LIN28B: variants seen among roughly 807,000 people sequenced by gnomAD.
The protein encoded by LIN28B is lin-28 RNA binding posttranscriptional regulator B.
In LIN28B, 5 loss-of-function variants were observed where a neutral mutation model predicts 21.9. The observed-to-expected ratio is 0.23, with a 90% CI of 0.12 to 0.48. The LOEUF (loss-of-function observed/expected upper bound fraction) is 0.48, where lower values mean the gene tolerates loss of function less well. LIN28B is among the 20% of genes least tolerant of loss of function. The pLI is 0.98. For missense variants in LIN28B, 245 were observed against 310.5 expected (o/e 0.79, Z 1.58); for synonymous variants, 109 against 111.3 (o/e 0.98, Z 0.13).
At chr6:104,953,142 G>T (rs963982145), upstream of LIN28B, among the ~76,000 whole-genome samples, 3 of 152,192 alleles carry the variant, frequency 2.0e-5, no homozygotes, top group Admixed American at 6.5e-5. Context: ...GAGAGATCTT[G>T]CCAGGGGCAG....
rs534441466 is a variant in LIN28B, at chr6:105,008,410, C to T, written c.199-17888C>T. 5.4e-3 allele frequency among the ~76,000 whole-genome samples: 821 copies of T among 151,974 alleles called. 4 individuals are homozygous for T. The highest frequency in any genetic ancestry group is 7.7e-3 in the Non-Finnish European group (520 of 67,972). Reference sequence around the variant, plus strand: ...CTGTAATCCCAGCACTTTGGGAGGCCGAGGCGGGCGGATCACGAGGTCAGG... The same window carrying T: ...CTGTAATCCCAGCACTTTGGGAGGCTGAGGCGGGCGGATCACGAGGTCAGG... On this transcript the variant is annotated intron_variant, in intron 2 of 3. Coordinates refer to ENST00000345080, the MANE Select transcript of LIN28B (RefSeq NM_001004317.4).
At chr6:105,029,665 T>C (rs1227193234) in intron 3 of LIN28B, among the ~76,000 whole-genome samples, 1 of 152,142 alleles carries the variant, frequency 6.6e-6, no homozygotes, top group East Asian at 1.9e-4. Flanking sequence ...TTTCAGGCTG[T>C]GCCAAAGACC....
At chr6:104,993,057 A>T (rs1770527655) in intron 2 of LIN28B, among the ~76,000 whole-genome samples, 1 of 151,960 alleles carries the variant, frequency 6.6e-6, no homozygotes, top group South Asian at 2.1e-4. Context: ...TTTCAGAATT[A>T]TTTTCTTACT....
intron 2 of LIN28B, among the ~76,000 whole-genome samples, chr6:104,973,207 G>A (rs1380303536): frequency 4.0e-5 from 6 of 151,844 alleles, no homozygotes; most frequent in African/African-American, 1.5e-4. Flanking sequence ...TTTTAAAAAT[G>A]TCTGGTCACT....
chr6:105,030,922 CT>C (rs1771410113), intron 3 of LIN28B, among the ~76,000 whole-genome samples: 2 of 151,984 alleles, frequency 1.3e-5, no homozygotes, highest in Admixed American at 6.6e-5. Flanking sequence ...TGTTTTTCCC[CT>C]AATACTTCCT....
At chr6:105,034,412 T>A (rs1233520432) in intron 3 of LIN28B, among the ~76,000 whole-genome samples, 1 of 152,008 alleles carries the variant, frequency 6.6e-6, no homozygotes, top group African/African-American at 2.4e-5. Flanking sequence ...CTACATGAGT[T>A]AAAGTGGTAA....
chr6:104,970,226 T>G (rs1482753121), intron 2 of LIN28B, among the ~76,000 whole-genome samples: 11 of 152,216 alleles, frequency 7.2e-5, no homozygotes, highest in African/African-American at 2.7e-4. Context: ...TTCGCATTTT[T>G]GATGTTTTCA....
At chr6:105,026,059 G>T (rs1017126737) in intron 2 of LIN28B, among the ~76,000 whole-genome samples, 1 of 152,158 alleles carries the variant, frequency 6.6e-6, no homozygotes, top group South Asian at 2.1e-4. Context: ...CTGGGACAAA[G>T]AATATGCACA....
chr6:104,938,407 G>A (rs1158423991), intron 2 of LIN28B, among the ~76,000 whole-genome samples: 1 of 152,134 alleles, frequency 6.6e-6, no homozygotes, highest in African/African-American at 2.4e-5. Context: ...TGAAGGGCCA[G>A]GTGGGCAGAC....
At chr6:104,938,703 C>T (rs189339244) in intron 2 of LIN28B, among the ~76,000 whole-genome samples, 1 of 151,972 alleles carries the variant, frequency 6.6e-6, no homozygotes, top group African/African-American at 2.4e-5. Context: ...ATGATAAATT[C>T]CTTTGTTCTT....
chr6:105,014,777 A>C (rs1770996071), intron 2 of LIN28B, among the ~76,000 whole-genome samples: 2 of 152,088 alleles, frequency 1.3e-5, no homozygotes, highest in Admixed American at 6.6e-5. Context: ...TAAATAAATA[A>C]ATAAATAAAG....
chr6:105,063,505 G>T (rs528172678), intron 3 of LIN28B, among the ~76,000 whole-genome samples: 7 of 151,836 alleles, frequency 4.6e-5, no homozygotes, highest in Non-Finnish European at 1.5e-5. Context: ...GCATGGTGGC[G>T]CATGCCTGTA....
At chr6:105,053,043 C>T (rs1771939867) in intron 3 of LIN28B, among the ~76,000 whole-genome samples, 1 of 152,106 alleles carries the variant, frequency 6.6e-6, no homozygotes, top group Admixed American at 6.5e-5. Flanking sequence ...GCTTTAGCTG[C>T]ATTTCACAAA....
chr6:105,036,247 G>A (rs987489590), intron 3 of LIN28B, among the ~76,000 whole-genome samples: 1 of 152,056 alleles, frequency 6.6e-6, no homozygotes, highest in African/African-American at 2.4e-5. Context: ...CTGTGAATTT[G>A]CATCTTGTAC....
intron 3 of LIN28B, among the ~76,000 whole-genome samples, chr6:105,063,926 A>G (rs981448979): frequency 2.7e-5 from 4 of 149,442 alleles, no homozygotes; most frequent in Non-Finnish European, 3.0e-5. Context: ...TAATTATTTT[A>G]TCTTTTAGTG....
chr6:105,031,570 A>G lies in LIN28B; in HGVS notation c.383+5088A>G, dbSNP rs188409666. Among the ~76,000 whole-genome samples the G allele has an allele frequency of 3.1e-3, 462 of 149,700 alleles. 6 individuals carry two copies. The highest frequency in any genetic ancestry group is 0.011 in the African/African-American group (441 of 40,692). ...TTTTTTTGAAATGGAGTCTGGCTCC[A>G]TCGCCCAGGCTGGAGTGCAGTGGCG... is the stretch of plus-strand genomic sequence containing the variant. On this transcript the variant is annotated intron_variant, in intron 3 of 3. Coordinates refer to ENST00000345080, the MANE Select transcript of LIN28B (RefSeq NM_001004317.4).
At chr6:105,063,975 T>C (rs964918817) in intron 3 of LIN28B, among the ~76,000 whole-genome samples, 2 of 151,446 alleles carry the variant, frequency 1.3e-5, no homozygotes, top group African/African-American at 4.8e-5. Context: ...AAGATCAAAA[T>C]GTTTCAAGAT....
intron 2 of LIN28B, among the ~76,000 whole-genome samples, chr6:104,992,681 A>T (rs547990825): frequency 6.6e-4 from 99 of 150,982 alleles, no homozygotes; most frequent in African/African-American, 1.1e-3. Context: ...AATTAAAAAA[A>T]TTTTTTTTTG....
intron 3 of LIN28B, among the ~76,000 whole-genome samples, chr6:105,037,840 A>G (rs946586579): frequency 6.6e-6 from 1 of 152,042 alleles, no homozygotes. Context: ...GTTCTCATAA[A>G]GAGATGTTTC....
Sources: allele counts gnomAD v4.1 joint callset (sites outside exome capture counted in the v4.1 genomes callset), GRCh38; gene constraint gnomAD v4.1.1; transcripts MANE v1.5; gene names NCBI Gene and HGNC (gene_info 2026-07-23, HGNC 2026-07-21).